The following USH2A variants were observed in gnomAD, a reference collection of about 807,000 sequenced individuals.
The protein encoded by USH2A is Usher syndrome 2A (autosomal recessive, mild).
A neutral mutation model predicts 538.9 loss-of-function variants in USH2A; 443 were observed. That is an observed-to-expected ratio of 0.82 (90% CI 0.76 to 0.89). USH2A has a LOEUF of 0.89. Among genes scored for constraint, USH2A ranks in the 40% least tolerant of loss-of-function variants. USH2A has a pLI of 0.00. For missense variants in USH2A, 6,633 were observed against 6,324.8 expected (o/e 1.05, Z -1.65); for synonymous variants, 2,413 against 2,273.5 (o/e 1.06, Z -1.75).
chr1:215,882,427 A>G (rs1239236572), intron 41 of USH2A, among the ~76,000 whole-genome samples: 2 of 136,594 alleles, frequency 1.5e-5, no homozygotes, highest in Admixed American at 1.6e-4. Flanking sequence ...TGTTGAAATA[A>G]AGTTGTCTTT....
intron 40 of USH2A, among the ~76,000 whole-genome samples, chr1:215,895,213 A>G (rs1163958671): frequency 6.6e-6 from 1 of 152,180 alleles, no homozygotes; most frequent in South Asian, 2.1e-4. Context: ...GATTTACTTC[A>G]ATCAAACTCT....
At chr1:216,411,659 G>A (rs906651511) in intron 3 of USH2A, among the ~76,000 whole-genome samples, 1 of 152,050 alleles carries the variant, frequency 6.6e-6, no homozygotes, top group African/African-American at 2.4e-5. Flanking sequence ...CTGGGTTCCC[G>A]GCCTTGCTGT....
chr1:216,149,307 C>T (rs1406412092), intron 21 of USH2A, among the ~76,000 whole-genome samples: 1 of 152,116 alleles, frequency 6.6e-6, no homozygotes, highest in Admixed American at 6.5e-5. Flanking sequence ...GACATAATTC[C>T]CCGGTTTGGC....
At chr1:216,244,070 A>T (rs977004780) in intron 13 of USH2A, among the ~76,000 whole-genome samples, 4 of 150,332 alleles carry the variant, frequency 2.7e-5, no homozygotes, top group Admixed American at 6.6e-5. Flanking sequence ...ACTGATGCTC[A>T]TGTCAACTTT....
At chr1:215,922,052 G>A (rs1027093093) in intron 38 of USH2A, among the ~76,000 whole-genome samples, 6 of 152,074 alleles carry the variant, frequency 3.9e-5, no homozygotes, top group African/African-American at 1.4e-4. Flanking sequence ...AGGTCCAATA[G>A]ACAGCAAACC....
Position 216,325,516 on chromosome 1 carries a change from A to G in USH2A, c.932T>C (p.Val311Ala). 2 of 1,613,656 alleles carry G rather than the reference A, an allele frequency of 1.2e-6. No individual in the cohort carries two copies. Among genetic ancestry groups the G allele is most frequent in the Non-Finnish European group, 1.7e-6 (2 of 1,179,816 alleles). The change falls in exon 6 of 72, where the codon GTC becomes GCC. Residue 311 changes from valine to alanine, a missense_variant. Val to Ala is a moderately conservative substitution (Grantham distance 64). Coordinates refer to ENST00000307340, the MANE Select transcript of USH2A (RefSeq NM_206933.4). Reference sequence around the variant, plus strand: ...GCAGTACCGCTGTGCCAAAGGGTGGACCCGCGGGTGGCTGCCAGGGCAACG... The same window carrying G: ...GCAGTACCGCTGTGCCAAAGGGTGGGCCCGCGGGTGGCTGCCAGGGCAACG... Reference protein sequence around the residue: ...HCRCPGSHPRVHPLAQRYCIP... With the variant: ...HCRCPGSHPRAHPLAQRYCIP...
chr1:216,243,831 C>T (rs1238565166), intron 13 of USH2A, among the ~76,000 whole-genome samples: 1 of 152,090 alleles, frequency 6.6e-6, no homozygotes, highest in Admixed American at 6.6e-5. Flanking sequence ...TTAATGCTCC[C>T]TACTCTTAAC....
intron 20 of USH2A, among the ~76,000 whole-genome samples, chr1:216,187,283 C>T (rs2034628139): frequency 6.6e-6 from 1 of 151,850 alleles, no homozygotes; most frequent in Admixed American, 6.6e-5. Context: ...ATCTCAACTC[C>T]TTAACCCAAA....
At chr1:216,002,845 A>G (rs1317237924) in intron 32 of USH2A, among the ~76,000 whole-genome samples, 1 of 152,136 alleles carries the variant, frequency 6.6e-6, no homozygotes, top group African/African-American at 2.4e-5. Context: ...CATATCTGGA[A>G]CTTAGGTATC....
chr1:216,192,553 T>A (rs1248409937), intron 19 of USH2A, among the ~76,000 whole-genome samples: 1 of 151,152 alleles, frequency 6.6e-6, no homozygotes, highest in Non-Finnish European at 1.5e-5. Flanking sequence ...AAAAAAAAAA[T>A]TAGTCAGGTG....
chr1:216,222,456 CAAA>C (rs1428652943), intron 14 of USH2A, among the ~76,000 whole-genome samples: 3 of 152,196 alleles, frequency 2.0e-5, no homozygotes, highest in African/African-American at 7.2e-5. Context: ...TCTAATCCTC[CAAA>C]CTTGTGAATG....
chr1:215,699,059 T>C (rs1219526925), intron 61 of USH2A, among the ~76,000 whole-genome samples: 5 of 152,118 alleles, frequency 3.3e-5, no homozygotes, highest in Admixed American at 2.0e-4. Flanking sequence ...TTCCCAACAC[T>C]GTTTATTAAA....
At chr1:215,954,789 A>C (rs1031418071) in intron 37 of USH2A, among the ~76,000 whole-genome samples, 3 of 152,152 alleles carry the variant, frequency 2.0e-5, no homozygotes, top group Admixed American at 2.0e-4. Context: ...TTTATGCCAA[A>C]GTCCTTAAAA....
chr1:215,830,922 C>A (rs894230581), intron 47 of USH2A, among the ~76,000 whole-genome samples: 7 of 152,062 alleles, frequency 4.6e-5, no homozygotes, highest in African/African-American at 1.2e-4. Context: ...TGGTAACCTG[C>A]TGAAAAAAGT....
At position 215,818,590 on chromosome 1, in the gene USH2A, G is replaced by A. The variant is rs868060676; in HGVS notation, c.9372-1395C>T. ...AGTAGAAAGTTTTTATGAGAGGCAG[G>A]GTTTGGTATACAATGAAGGTATAAC... On this transcript the variant is annotated intron_variant, in intron 47 of 71. Transcript: ENST00000307340. Among the ~76,000 whole-genome samples, 13 of 151,608 alleles carry A rather than the reference G, an allele frequency of 8.6e-5. 1 individual carries two copies. The Middle Eastern group carries it at 0.01, about 119-fold the overall frequency.
chr1:215,766,158 T>C (rs1411110806), intron 56 of USH2A, among the ~76,000 whole-genome samples: 4 of 152,206 alleles, frequency 2.6e-5, no homozygotes, highest in African/African-American at 9.6e-5. Context: ...TTTGTTGTGG[T>C]CCATCTCAGA....
intron 47 of USH2A, among the ~76,000 whole-genome samples, chr1:215,819,460 A>G (rs1662949736): frequency 6.6e-6 from 1 of 151,812 alleles, no homozygotes; most frequent in Admixed American, 6.6e-5. Context: ...TAACACATTC[A>G]GTAATAAAAC....
chr1:215,779,803 G>A, intron 55 of USH2A, 40 bp downstream of exon 55: 5 of 1,607,740 alleles, frequency 3.1e-6, no homozygotes, highest in African/African-American at 1.3e-5. Flanking sequence ...CACAATGACA[G>A]ACTCCTCCAG....
intron 21 of USH2A, among the ~76,000 whole-genome samples, chr1:216,107,689 T>C (rs1422915482): frequency 6.6e-6 from 1 of 151,004 alleles, no homozygotes; most frequent in Non-Finnish European, 1.5e-5. Context: ...TCTTCTTCTT[T>C]TTTTTTTTTG....
Sources: allele counts gnomAD v4.1 joint callset (sites outside exome capture counted in the v4.1 genomes callset), GRCh38; gene constraint gnomAD v4.1.1; transcripts MANE v1.5; gene names NCBI Gene and HGNC (gene_info 2026-07-23, HGNC 2026-07-21).